Variants in FHIP1A observed in about 807,000 individuals in gnomAD.
FHIP1A encodes the protein FHF complex subunit HOOK-interacting protein 1A.
Under a neutral mutation model 88.6 loss-of-function variants are expected in FHIP1A, and 61 were observed. That is an observed-to-expected ratio of 0.69 (90% confidence interval 0.56 to 0.85). The LOEUF (loss-of-function observed/expected upper bound fraction) is 0.85. FHIP1A is among the 40% of genes least tolerant of loss of function. The probability of loss-of-function intolerance (pLI) is 0.00; values close to 1 mark genes in which losing one functional copy is unlikely to be tolerated. For synonymous variants in FHIP1A, 478 were observed against 496.0 expected, an observed-to-expected ratio of 0.96 and a Z score of 0.48; for missense variants, 1,154 against 1,273.5, an observed-to-expected ratio of 0.91 and a Z score of 1.43.
At position 151,588,954 on chromosome 4, in the gene FHIP1A, GTC is replaced by G. The variant is rs986124468; in HGVS notation, c.978+32_978+33del. ...CAGTGATTGGCTCATGTAATCTTCTGTCTCTATAATACAAGTGATGGACACTG... is the reference window on the plus strand; with the variant it reads ...CAGTGATTGGCTCATGTAATCTTCTGTCTATAATACAAGTGATGGACACTG... On this transcript the variant is annotated intron_variant, in intron 7 of 13. Transcript: ENST00000435205. 5 of 1,400,998 alleles carry G rather than the reference GTC, an allele frequency of 3.6e-6. No individual in the cohort carries two copies. The African/African-American group carries it at 7.1e-5, about 20-fold the overall frequency. 86.8% of individuals were successfully genotyped at this position (1,400,998 alleles called of 1,614,324 possible).
At chr4:151,421,983 C>T (rs1236240980) in intron 1 of FHIP1A, among the ~76,000 whole-genome samples, 1 of 151,978 alleles carries the variant, frequency 6.6e-6, no homozygotes, top group Non-Finnish European at 1.5e-5. Flanking sequence ...TCTTGTTCTA[C>T]TAGGGGATGC....
intron 1 of FHIP1A, among the ~76,000 whole-genome samples, chr4:151,453,379 A>G (rs7679829): frequency 0.36 from 54,865 of 151,916 alleles, 10,379 homozygotes; most frequent in Non-Finnish European, 0.43. Flanking sequence ...TAAATATTCT[A>G]CAAGCTTTGC....
chr4:151,492,246 G>C (rs1730308856), intron 3 of FHIP1A, among the ~76,000 whole-genome samples: 1 of 152,026 alleles, frequency 6.6e-6, no homozygotes, highest in Non-Finnish European at 1.5e-5. Context: ...TAGACTATAA[G>C]ATAGGCCACA....
intron 1 of FHIP1A, among the ~76,000 whole-genome samples, chr4:151,448,867 T>C (rs890716752): frequency 4.6e-5 from 7 of 152,192 alleles, no homozygotes; most frequent in South Asian, 4.1e-4. Flanking sequence ...CTTTAATTTT[T>C]TGAGGAACTG....
intron 3 of FHIP1A, among the ~76,000 whole-genome samples, chr4:151,562,860 A>G (rs930411844): frequency 6.6e-6 from 1 of 152,190 alleles, no homozygotes; most frequent in Non-Finnish European, 1.5e-5. Flanking sequence ...TACACTGGAA[A>G]AAGTGAAGAA....
intron 1 of FHIP1A, among the ~76,000 whole-genome samples, chr4:151,421,761 C>T (rs748959785): frequency 2.0e-5 from 3 of 151,994 alleles, no homozygotes; most frequent in Non-Finnish European, 4.4e-5. Flanking sequence ...GTTTCTAGAC[C>T]TAGCTAGTTC....
At chr4:151,632,052 C>T (rs1313204581) in intron 8 of FHIP1A, among the ~76,000 whole-genome samples, 1 of 152,064 alleles carries the variant, frequency 6.6e-6, no homozygotes. Flanking sequence ...CTAAAAGACA[C>T]TCACTTTCGA....
At chr4:151,516,052 A>G (rs1377884001) in intron 3 of FHIP1A, among the ~76,000 whole-genome samples, 4 of 152,218 alleles carry the variant, frequency 2.6e-5, no homozygotes, top group Non-Finnish European at 1.5e-5. Flanking sequence ...TTCAAACTAT[A>G]CTACAAGGCT....
chr4:151,440,463 A>G (rs1580566927), intron 1 of FHIP1A, among the ~76,000 whole-genome samples: 1 of 152,176 alleles, frequency 6.6e-6, no homozygotes, highest in African/African-American at 2.4e-5. Flanking sequence ...GTAGCTAGTC[A>G]TCTCCAGTTC....
intron 3 of FHIP1A, among the ~76,000 whole-genome samples, chr4:151,497,431 T>A (rs1394102722): frequency 6.6e-6 from 1 of 152,198 alleles, no homozygotes; most frequent in Non-Finnish European, 1.5e-5. Context: ...TTTAGATTTT[T>A]AAATAGTTGG....
chr4:151,488,548 GC>G (rs1466788835), intron 3 of FHIP1A, among the ~76,000 whole-genome samples: 1 of 152,212 alleles, frequency 6.6e-6, no homozygotes, highest in African/African-American at 2.4e-5. Context: ...CTGTTGATGA[GC>G]ACCTAGGGTG....
chr4:151,634,117 A>G (rs891311403), intron 8 of FHIP1A, among the ~76,000 whole-genome samples: 1 of 151,922 alleles, frequency 6.6e-6, no homozygotes, highest in Non-Finnish European at 1.5e-5. Context: ...AGTAATTTCT[A>G]TATATTAACT....
chr4:151,421,219 G>A (rs1421407228), intron 1 of FHIP1A, among the ~76,000 whole-genome samples: 2 of 152,194 alleles, frequency 1.3e-5, no homozygotes, highest in African/African-American at 4.8e-5. Context: ...AAAATGAGCT[G>A]TGTGTTCCCA....
At chr4:151,460,073 G>T in intron 2 of FHIP1A, among the ~76,000 whole-genome samples, 1 of 152,090 alleles carries the variant, frequency 6.6e-6, no homozygotes. Context: ...TTTTGAATTT[G>T]TGGCTACATA....
intron 1 of FHIP1A, among the ~76,000 whole-genome samples, chr4:151,449,331 G>T (rs1728714671): frequency 6.6e-6 from 1 of 152,146 alleles, no homozygotes. Context: ...GAGAAGTGAA[G>T]TAGCTTGCTC....
intron 9 of FHIP1A, among the ~76,000 whole-genome samples, chr4:151,645,274 T>A (rs999802244): frequency 2.6e-5 from 4 of 152,160 alleles, no homozygotes; most frequent in Non-Finnish European, 5.9e-5. Flanking sequence ...TTCTGAAAAC[T>A]GAAGGTTAAG....
chr4:151,612,529 C>T (rs766749699), intron 7 of FHIP1A, among the ~76,000 whole-genome samples: 4 of 152,170 alleles, frequency 2.6e-5, no homozygotes, highest in Non-Finnish European at 4.4e-5. Context: ...TACAAGTGTG[C>T]ACCACTACGC....
intron 1 of FHIP1A, among the ~76,000 whole-genome samples, chr4:151,418,182 A>AG (rs1732967653): frequency 6.6e-6 from 1 of 151,122 alleles, no homozygotes; most frequent in South Asian, 2.1e-4. Context: ...TAAAAAAAAA[A>AG]AAAAAAAAAA....
At chr4:151,578,197 G>A in intron 5 of FHIP1A, 121 bp downstream of exon 5, 1 of 898,658 alleles carries the variant, frequency 1.1e-6, no homozygotes, top group Non-Finnish European at 1.6e-6. Context: ...ACTTCCTATG[G>A]AAGGATGTTT....
Sources: allele counts gnomAD v4.1 joint callset (sites outside exome capture counted in the v4.1 genomes callset), GRCh38; gene constraint gnomAD v4.1.1; transcripts MANE v1.5; gene names NCBI Gene and HGNC (gene_info 2026-07-23, HGNC 2026-07-21).